SYCP1: variants seen among roughly 807,000 people sequenced by gnomAD.
SYCP1 encodes the protein synaptonemal complex protein 1, also known as cancer/testis antigen 8.
SYCP1 carries 64 observed loss-of-function variants against 153.1 expected under a neutral mutation model. The observed-to-expected ratio is 0.42, with a 90% CI of 0.34 to 0.51. The LOEUF is 0.51. SYCP1 is among the 20% of genes least tolerant of loss of function. SYCP1 has a pLI of 0.06. For missense variants in SYCP1, 997 were observed against 1,049.0 expected, an observed-to-expected ratio of 0.95 and a Z score of 0.68; for synonymous variants, 384 against 341.8, an observed-to-expected ratio of 1.12 and a Z score of -1.36.
intron 16 of SYCP1, among the ~76,000 whole-genome samples, chr1:114,904,602 C>T (rs1246253853): frequency 1.3e-5 from 2 of 152,124 alleles, no homozygotes; most frequent in East Asian, 3.8e-4. Context: ...TAGCATTTTG[C>T]AGTATTCAGC....
intron 20 of SYCP1, among the ~76,000 whole-genome samples, chr1:114,919,333 T>G (rs1668708720): frequency 1.3e-5 from 2 of 152,146 alleles, no homozygotes; most frequent in African/African-American, 4.8e-5. Flanking sequence ...TTGATTATCC[T>G]TACATTTGTG....
At chr1:114,955,823 GT>G (rs1209138678) in intron 27 of SYCP1, among the ~76,000 whole-genome samples, 10 of 152,180 alleles carry the variant, frequency 6.6e-5, no homozygotes, top group Non-Finnish European at 1.5e-5. Flanking sequence ...GACCTACTGA[GT>G]TTGCTCCCAG....
chr1:114,949,498 T>A (rs1670953274), intron 27 of SYCP1, among the ~76,000 whole-genome samples: 1 of 152,192 alleles, frequency 6.6e-6, no homozygotes, highest in Admixed American at 6.5e-5. Flanking sequence ...TTCAGCCTAG[T>A]CAGCTAAGTT....
At chr1:114,986,670 T>C (rs1021013115) in intron 30 of SYCP1, among the ~76,000 whole-genome samples, 3 of 152,010 alleles carry the variant, frequency 2.0e-5, no homozygotes, top group African/African-American at 7.2e-5. Context: ...ATTCAAATTA[T>C]AAAAATTAAG....
chr1:114,889,652 T>G (rs1401858916), intron 15 of SYCP1, among the ~76,000 whole-genome samples: 1 of 152,186 alleles, frequency 6.6e-6, no homozygotes, highest in Non-Finnish European at 1.5e-5. Context: ...TTCTGTAGGT[T>G]GCCTGTTCAC....
rs1421019943 is a variant in SYCP1 at position 114,858,773 on chromosome 1, G to A, written c.456+62G>A. On this transcript the variant is annotated intron_variant, in intron 6 of 31. Coordinates refer to ENST00000369522, the MANE Select transcript of SYCP1 (RefSeq NM_003176.4). ...AAATCTAATCATAATACTGTTGAAA[G>A]TAGAGTATTAGTTGGGATAAATTGG... is the stretch of plus-strand genomic sequence containing the variant. 19 of 1,355,744 alleles carry A rather than the reference G, an allele frequency of 1.4e-5. No individual in the cohort carries two copies. The South Asian group carries it at 2.4e-4, about 17-fold the overall frequency. 84.0% of individuals were successfully genotyped at this position (1,355,744 alleles called of 1,614,324 possible). A position where few individuals can be genotyped will look rare whatever the true frequency, so the allele number is the denominator to read the frequency against.
chr1:114,917,758 C>A (rs577539252), intron 20 of SYCP1, among the ~76,000 whole-genome samples: 6 of 152,126 alleles, frequency 3.9e-5, no homozygotes, highest in African/African-American at 1.4e-4. Context: ...TTTTCATATA[C>A]CTGTTTGCCA....
intron 27 of SYCP1, 75 bp from the exon 28 acceptor site, chr1:114,977,482 G>C (rs1672875359): frequency 2.2e-6 from 2 of 918,520 alleles, no homozygotes; most frequent in African/African-American, 3.6e-5. Context: ...TACTTACTAG[G>C]AAAGATTTTG....
At chr1:114,856,940 A>G (rs954707992) in intron 3 of SYCP1, among the ~76,000 whole-genome samples, 66 of 147,030 alleles carry the variant, frequency 4.5e-4, no homozygotes, top group African/African-American at 1.5e-3. Flanking sequence ...AAAAAAAAAA[A>G]AAAAACCAGC....
chr1:114,889,936 ATTT>A (rs940917555), intron 15 of SYCP1, among the ~76,000 whole-genome samples: 1 of 152,098 alleles, frequency 6.6e-6, no homozygotes, highest in Non-Finnish European at 1.5e-5. Flanking sequence ...CTAAGGAAGA[ATTT>A]TGTTTCTTAA....
intron 27 of SYCP1, among the ~76,000 whole-genome samples, chr1:114,972,501 G>A (rs1273115065): frequency 1.3e-5 from 2 of 151,976 alleles, no homozygotes; most frequent in East Asian, 1.9e-4. Context: ...GCATCATTAG[G>A]TTATTTGAAG....
intron 27 of SYCP1, among the ~76,000 whole-genome samples, chr1:114,964,689 T>C (rs1308696477): frequency 3.3e-5 from 5 of 152,174 alleles, no homozygotes; most frequent in East Asian, 1.9e-4. Context: ...TGGTTGTAGA[T>C]GTGTGGTGTT....
chr1:114,914,782 C>T (rs1488002514), intron 20 of SYCP1, among the ~76,000 whole-genome samples: 2 of 152,150 alleles, frequency 1.3e-5, no homozygotes, highest in African/African-American at 4.8e-5. Flanking sequence ...TGGAGGAATG[C>T]ATTCTTAAAC....
At chr1:114,870,656 A>G (rs1289229352) in intron 8 of SYCP1, among the ~76,000 whole-genome samples, 1 of 152,128 alleles carries the variant, frequency 6.6e-6, no homozygotes, top group Admixed American at 6.5e-5. Flanking sequence ...GTAGAGTAGA[A>G]GTTTTTAATT....
At chr1:114,885,664 C>G (rs1227415028) in intron 13 of SYCP1, 35 bp downstream of exon 13, 1 of 1,191,188 alleles carries the variant, frequency 8.4e-7, no homozygotes, top group African/African-American at 1.6e-5. Flanking sequence ...TGTAATAAGT[C>G]TCACCCTATC....
chr1:114,973,540 A>G (rs948970223), intron 27 of SYCP1, among the ~76,000 whole-genome samples: 4 of 152,100 alleles, frequency 2.6e-5, no homozygotes, highest in Non-Finnish European at 5.9e-5. Context: ...AAGTAGTAAT[A>G]GGGTGAGGAG....
chr1:114,901,462 G>A (rs1667441734), intron 16 of SYCP1, among the ~76,000 whole-genome samples: 2 of 152,150 alleles, frequency 1.3e-5, no homozygotes, highest in African/African-American at 4.8e-5. Flanking sequence ...TCAGAGAAAG[G>A]AAAATCCAAG....
Position 114,874,357 on chromosome 1 carries a change from A to G in SYCP1, c.599-149A>G, listed in dbSNP as rs1665373367. The G allele has an allele frequency of 1.0e-5, 5 of 488,686 alleles. No homozygotes were observed. The South Asian group carries it at 1.6e-4, about 16-fold the overall frequency. 30.3% of individuals were successfully genotyped at this position (488,686 alleles called of 1,614,324 possible). On this transcript the variant is annotated intron_variant, in intron 8 of 31. Coordinates refer to ENST00000369522, the MANE Select transcript of SYCP1 (RefSeq NM_003176.4). ...ACCCAAACAGCTTTTGATGCAACTT[A>G]AAAAGACCCAGTAATGATTTAGATA... is the stretch of plus-strand genomic sequence containing the variant.
chr1:114,855,618 G>A (rs1368478306), intron 2 of SYCP1, 46 bp downstream of exon 2: 1 of 1,426,482 alleles, frequency 7.0e-7, no homozygotes, highest in Admixed American at 2.0e-5. Context: ...TAACTTTAGG[G>A]AAATGAAGAA....
Sources: allele counts gnomAD v4.1 joint callset (sites outside exome capture counted in the v4.1 genomes callset), GRCh38; gene constraint gnomAD v4.1.1; transcripts MANE v1.5; gene names NCBI Gene and HGNC (gene_info 2026-07-23, HGNC 2026-07-21).